The following GRIK4 variants were observed in gnomAD, a reference collection of about 807,000 sequenced individuals.
GRIK4 encodes the protein glutamate receptor ionotropic, kainate 4.
Under a neutral mutation model 104.9 loss-of-function variants are expected in GRIK4, and 40 were observed. That is an observed-to-expected ratio of 0.38 (90% CI 0.30 to 0.50). GRIK4 has a LOEUF of 0.50. Ranked by LOEUF, GRIK4 falls within the 20% of genes least tolerant of loss-of-function variation. The pLI, the probability that GRIK4 is intolerant of heterozygous loss-of-function variation, is 0.93. For synonymous variants in GRIK4, 485 were observed against 524.9 expected (o/e 0.92, Z 1.04); for missense variants, 1,047 against 1,308.1 (o/e 0.80, Z 3.08).
chr11:120,818,999 C>A (rs1953033304), intron 5 of GRIK4, among the ~76,000 whole-genome samples: 1 of 152,218 alleles, frequency 6.6e-6, no homozygotes, highest in Non-Finnish European at 1.5e-5. Context: ...CCATCACAGC[C>A]TCTTAAGATC....
At position 120,987,587 on chromosome 11, in the gene GRIK4, G is replaced by C. The variant is rs1034141890; in HGVS notation, c.*1327G>C. 1 of 152,232 alleles carries C rather than the reference G, an allele frequency of 6.6e-6. No homozygotes were observed. The highest frequency in any genetic ancestry group is 2.4e-5 in the African/African-American group (1 of 41,464). 9.4% of individuals were successfully genotyped at this position (152,232 alleles called of 1,614,324 possible). A position where few individuals can be genotyped will look rare whatever the true frequency, so the allele number is the denominator to read the frequency against. ...ACGGGCCTGGGAACCAGGAACTCTTGAGTCGTAACCTCAGCTTGAGCAGTA... is the reference window on the plus strand; with the variant it reads ...ACGGGCCTGGGAACCAGGAACTCTTCAGTCGTAACCTCAGCTTGAGCAGTA... On this transcript the variant is annotated 3_prime_UTR_variant, in exon 21 of 21. Coordinates refer to ENST00000527524, the MANE Select transcript of GRIK4 (RefSeq NM_014619.5).
chr11:120,956,714 G>A lies in GRIK4; in HGVS notation c.1701-66G>A. ...GTCTCAGAGGTGAGACCAGCCAGGAGAGCCTGCCTGTGTCCCTTCACACCC... is the reference window on the plus strand; with the variant it reads ...GTCTCAGAGGTGAGACCAGCCAGGAAAGCCTGCCTGTGTCCCTTCACACCC... On this transcript the variant is annotated intron_variant, in intron 15 of 20. Coordinates refer to ENST00000527524, the MANE Select transcript of GRIK4 (RefSeq NM_014619.5). This position sits in a 1 kb window ranked among gnomAD's most constrained non-coding sequence, Gnocchi z 4.6. The A allele has an allele frequency of 1.6e-6, 2 of 1,254,522 alleles. No homozygotes were observed. Among genetic ancestry groups the A allele is most frequent in the Non-Finnish European group, 2.1e-6 (2 of 932,272 alleles). 77.7% of individuals were successfully genotyped at this position (1,254,522 alleles called of 1,614,324 possible).
At chr11:120,949,355 T>C (rs1291770799) in intron 14 of GRIK4, among the ~76,000 whole-genome samples, 4 of 152,176 alleles carry the variant, frequency 2.6e-5, no homozygotes, top group Non-Finnish European at 5.9e-5. Context: ...AGTCCAAATG[T>C]CAAGGGAGCT....
chr11:120,645,735 G>C (rs1949534807), intron 1 of GRIK4, among the ~76,000 whole-genome samples: 1 of 152,210 alleles, frequency 6.6e-6, no homozygotes, highest in Admixed American at 6.5e-5. Context: ...TGGTTCCTGA[G>C]AGTTCCCTAT....
intron 1 of GRIK4, among the ~76,000 whole-genome samples, chr11:120,645,626 C>A (rs1949532996): frequency 6.6e-6 from 1 of 152,182 alleles, no homozygotes; most frequent in Non-Finnish European, 1.5e-5. Flanking sequence ...ACATCAGTGT[C>A]CCTGTGCATG....
intron 7 of GRIK4, among the ~76,000 whole-genome samples, chr11:120,832,316 G>T (rs1422993178): frequency 6.6e-6 from 1 of 152,176 alleles, no homozygotes; most frequent in Non-Finnish European, 1.5e-5. Context: ...GGAGAGGTCT[G>T]CGGGTTCCTA....
chr11:120,805,504 C>T lies in GRIK4; in HGVS notation c.247+2647C>T, dbSNP rs1019845106. Among the ~76,000 whole-genome samples the T allele has an allele frequency of 3.9e-5, 6 of 152,258 alleles. No homozygotes were observed. In the East Asian group the frequency reaches 9.6e-4, roughly 24 times the overall value. ...GGTATCTTTATTCCATCTTAGAGAA[C>T]TTTGGGCATCTTTTTAATGGGCTTC... On this transcript the variant is annotated intron_variant, in intron 4 of 20. Coordinates refer to ENST00000527524, the MANE Select transcript of GRIK4 (RefSeq NM_014619.5).
chr11:120,670,501 G>A (rs1281196674), intron 3 of GRIK4, among the ~76,000 whole-genome samples: 2 of 152,164 alleles, frequency 1.3e-5, no homozygotes, highest in Non-Finnish European at 2.9e-5. Flanking sequence ...AGCTCCACCA[G>A]CTTCTTTGCT....
intron 1 of GRIK4, among the ~76,000 whole-genome samples, chr11:120,608,823 G>C (rs1948994951): frequency 6.6e-6 from 1 of 151,826 alleles, no homozygotes; most frequent in East Asian, 1.9e-4. Context: ...GACCTTGGAT[G>C]CTCCTTCTTC....
chr11:120,612,588 T>A (rs1351124145), intron 1 of GRIK4, among the ~76,000 whole-genome samples: 1 of 152,148 alleles, frequency 6.6e-6, no homozygotes, highest in Non-Finnish European at 1.5e-5. Context: ...ATGAAACGTA[T>A]AGCATGTGGG....
chr11:120,516,860 C>A (rs1183661976), intron 1 of GRIK4, among the ~76,000 whole-genome samples: 1 of 152,058 alleles, frequency 6.6e-6, no homozygotes, highest in Admixed American at 6.6e-5. Flanking sequence ...CAGTGCGTGC[C>A]TGGATGCGCT....
At position 120,967,308 on chromosome 11, in the gene GRIK4, G is replaced by T. The variant is rs1286739625; in HGVS notation, c.2380G>T (p.Asp794Tyr). The T allele has an allele frequency of 1.9e-6, 3 of 1,613,526 alleles. No individual in the cohort carries two copies. Among genetic ancestry groups the T allele is most frequent in the East Asian group, 2.2e-5 (1 of 44,856 alleles). ...WEGGKCPKEEDHRAKGLGMEN... is the reference protein window; with the variant it reads ...WEGGKCPKEEYHRAKGLGMEN... ...AGGAGGGAAGTGCCCCAAGGAGGAAGATCACAGAGCTAAAGGTAAGGACGT... is the reference window on the plus strand; with the variant it reads ...AGGAGGGAAGTGCCCCAAGGAGGAATATCACAGAGCTAAAGGTAAGGACGT... Residue 794 changes from aspartate to tyrosine, a missense_variant, in exon 19 of 21, where the codon GAT becomes TAT. Physicochemically the swap from Asp to Tyr is radical, Grantham distance 160. This residue lies in a region of GRIK4 where 440 missense variants were observed against 652.3 expected (regional missense o/e 0.67). Transcript: ENST00000527524. The surrounding 1 kb of genome is among the most constrained non-coding windows in gnomAD (Gnocchi z 4.2).
chr11:120,528,770 G>A (rs1947891097), intron 1 of GRIK4, among the ~76,000 whole-genome samples: 1 of 152,144 alleles, frequency 6.6e-6, no homozygotes, highest in Non-Finnish European at 1.5e-5. Context: ...TGAGACCCAT[G>A]AGATCTCTCA....
intron 3 of GRIK4, among the ~76,000 whole-genome samples, chr11:120,760,096 A>C (rs867570973): frequency 6.6e-6 from 1 of 151,802 alleles, no homozygotes; most frequent in Non-Finnish European, 1.5e-5. Flanking sequence ...TTCATCCTAC[A>C]TACCTGCCAT....
chr11:120,969,008 G>A (rs1390436831), intron 19 of GRIK4, among the ~76,000 whole-genome samples: 1 of 152,186 alleles, frequency 6.6e-6, no homozygotes, highest in East Asian at 1.9e-4. Context: ...GCTGCCTGCA[G>A]AGGAGTTACT....
rs1166566533 is a variant in GRIK4, at chr11:120,940,155, A to G, written c.1477-192A>G. ...ATCTAACGACAAGTGAACATGAGTTATAGCTTCAATATCCATGTACTTTTA... is the reference window on the plus strand; with the variant it reads ...ATCTAACGACAAGTGAACATGAGTTGTAGCTTCAATATCCATGTACTTTTA... On this transcript the variant is annotated intron_variant, in intron 13 of 20. Transcript: ENST00000527524. The surrounding 1 kb of genome is among the most constrained non-coding windows in gnomAD (Gnocchi z 4.3). Among the ~76,000 whole-genome samples, 1 of 152,194 alleles carries G rather than the reference A, an allele frequency of 6.6e-6. No individual in the cohort carries two copies. The highest frequency in any genetic ancestry group is 1.5e-5 in the Non-Finnish European group (1 of 68,036).
At chr11:120,807,749 G>T (rs1490588026) in intron 4 of GRIK4, among the ~76,000 whole-genome samples, 4 of 152,186 alleles carry the variant, frequency 2.6e-5, no homozygotes, top group Admixed American at 6.5e-5. Context: ...GGAGCTACCC[G>T]CATCATAGGC....
At chr11:120,764,597 G>GGT (rs1555057585) in intron 3 of GRIK4, among the ~76,000 whole-genome samples, 1 of 104,866 alleles carries the variant, frequency 9.5e-6, no homozygotes, top group Non-Finnish European at 1.9e-5. Context: ...TTTTGTTTTT[G>GGT]TTTTTTTTTT....
intron 1 of GRIK4, among the ~76,000 whole-genome samples, chr11:120,571,316 C>T (rs1206229780): frequency 6.6e-6 from 1 of 152,160 alleles, no homozygotes; most frequent in East Asian, 1.9e-4. Flanking sequence ...TGACGACTGT[C>T]CTCTGCATGC....
Sources: gnomAD v4.1 joint callset for allele counts (sites outside exome capture counted in the v4.1 genomes callset) on GRCh38, gnomAD v4.1.1 for gene constraint, gnomAD v4.1.1 regional missense constraint, Gnocchi (gnomAD v3.1) non-coding constraint, MANE v1.5 for transcripts, NCBI Gene and HGNC (gene_info 2026-07-23, HGNC 2026-07-21) for gene names.